CCDC33: variants seen among roughly 807,000 people sequenced by gnomAD.
CCDC33 encodes coiled-coil domain containing 33.
CCDC33 carries 94 observed loss-of-function variants against 91.9 expected under a neutral mutation model. That is an observed-to-expected ratio of 1.02 (90% CI 0.87 to 1.21). The LOEUF is 1.21. Ranked by LOEUF, CCDC33 falls within the 50% of genes most tolerant of loss-of-function variation. The pLI is 0.00. For missense variants in CCDC33, 940 were observed against 935.5 expected, an observed-to-expected ratio of 1.00 and a Z score of -0.06; for synonymous variants, 396 against 374.5, an observed-to-expected ratio of 1.06 and a Z score of -0.66.
intron 18 of CCDC33, 79 bp from the exon 19 acceptor site, chr15:74,335,845 GT>G: frequency 9.1e-7 from 1 of 1,093,086 alleles, no homozygotes. Flanking sequence ...CTGAGGCCTG[GT>G]TTGTCAGGCA....
intron 10 of CCDC33, among the ~76,000 whole-genome samples, chr15:74,286,817 G>A (rs1446141611): frequency 5.3e-5 from 8 of 152,094 alleles, no homozygotes; most frequent in African/African-American, 7.2e-5. Context: ...GTATAGAGAG[G>A]GTGCATTTGA....
rs1238903756 is a variant in CCDC33, at chr15:74,271,691, T to G, written c.547-12T>G. The stretch of plus-strand genomic sequence containing the variant: ...CATGGTGTTCACCTGCCTCCTCTCC[T>G]CTCCTCTCCAGATCTTTCTCCGGGG... On this transcript the variant is annotated splice_polypyrimidine_tract_variant and intron_variant, in intron 5 of 18. Coordinates refer to ENST00000398814, the MANE Select transcript of CCDC33 (RefSeq NM_025055.5). 18 of 1,609,274 alleles carry G rather than the reference T, an allele frequency of 1.1e-5. No individual in the cohort carries two copies. The highest frequency in any genetic ancestry group is 1.4e-5 in the Non-Finnish European group (17 of 1,175,866).
Position 74,335,981 on chromosome 15 carries a change from G to T in CCDC33, c.2196G>T (p.Leu732=), listed in dbSNP as rs762827488. Residue 732 remains leucine (L), a synonymous_variant, in exon 19 of 19, where the codon CTG becomes CTT. Transcript: ENST00000398814. The part of the protein sequence containing the change: ...LKQPSELEPL[L]PSSDSKLNKP... ...AGCCCTCAGAGCTGGAGCCCCTGCT[G>T]CCCAGCTCAGACTCTAAGCTCAACA... 1 of 1,613,966 alleles carries T rather than the reference G, an allele frequency of 6.2e-7. No homozygotes were observed. The highest frequency in any genetic ancestry group is 8.5e-7 in the Non-Finnish European group (1 of 1,180,004).
chr15:74,238,652 TA>T (rs569348450), intron 1 of CCDC33, among the ~76,000 whole-genome samples: 244 of 152,308 alleles, frequency 1.6e-3, no homozygotes, highest in African/African-American at 5.8e-3. Context: ...TTTTAAAATG[TA>T]ATCAAACCTA....
chr15:74,297,173 C>T (rs973753977), intron 11 of CCDC33, among the ~76,000 whole-genome samples: 2 of 152,254 alleles, frequency 1.3e-5, no homozygotes, highest in African/African-American at 4.8e-5. Context: ...CCATCCTGCT[C>T]AGGCACCACA....
chr15:74,313,226 C>T (rs1005998295), intron 11 of CCDC33, among the ~76,000 whole-genome samples: 24 of 152,060 alleles, frequency 1.6e-4, no homozygotes, highest in African/African-American at 5.8e-4. Flanking sequence ...TCCAGGATGC[C>T]AGGGCAGGTG....
chr15:74,277,692 A>G (rs948800527), intron 7 of CCDC33, among the ~76,000 whole-genome samples: 1 of 152,174 alleles, frequency 6.6e-6, no homozygotes, highest in Non-Finnish European at 1.5e-5. Flanking sequence ...CATGCACAAG[A>G]CAGGCTGACC....
At chr15:74,217,324 G>A in exon 1 of CCDC33, 4 of 1,289,528 alleles carry the variant, frequency 3.1e-6, no homozygotes, top group Non-Finnish European at 4.0e-6. Context: ...CTGAGACAGA[G>A]GCTGAAGGCC....
intron 11 of CCDC33, among the ~76,000 whole-genome samples, chr15:74,327,775 C>T (rs2060339329): frequency 6.6e-6 from 1 of 152,174 alleles, no homozygotes; most frequent in Non-Finnish European, 1.5e-5. Flanking sequence ...GAACTGGCAG[C>T]CCCCTCCCCC....
At chr15:74,334,082 G>T (rs991396147) in intron 17 of CCDC33, 115 bp downstream of exon 17, 15 of 917,896 alleles carry the variant, frequency 1.6e-5, no homozygotes, top group African/African-American at 3.3e-5. Flanking sequence ...TCAAGGCTTA[G>T]TGTGTGGCCA....
chr15:74,217,086 G>T (rs188727266), upstream of CCDC33: 1 of 288,398 alleles, frequency 3.5e-6, no homozygotes, highest in Non-Finnish European at 6.7e-6. Flanking sequence ...GGAAGGGATC[G>T]ATGGAAAAAA....
rs1251270120 is a variant in CCDC33, at chr15:74,226,596, A to G, written c.675+7735A>G. Among the ~76,000 whole-genome samples the G allele has an allele frequency of 4.6e-5, 7 of 152,248 alleles. No homozygotes were observed. In the South Asian group the frequency reaches 1.5e-3, roughly 32 times the overall value. ...GTAATCCCAGCACTTTGGGAGGTCA[A>G]GGCAGGCAGATCACAAGGTCAAGAG... On this transcript the variant is annotated intron_variant, in intron 2 of 2. Transcript: ENST00000635913.
intron 2 of CCDC33, among the ~76,000 whole-genome samples, chr15:74,225,627 T>C (rs1404193257): frequency 6.6e-6 from 1 of 151,968 alleles, no homozygotes; most frequent in Non-Finnish European, 1.5e-5. Flanking sequence ...CGCACCTCCC[T>C]GGATCTCCTG....
intron 2 of CCDC33, among the ~76,000 whole-genome samples, chr15:74,222,965 G>A (rs16966903): frequency 2.0e-5 from 3 of 151,406 alleles, no homozygotes; most frequent in Admixed American, 2.0e-4. Flanking sequence ...TATTGCTCGC[G>A]ATTGCATACA....
intron 1 of CCDC33, among the ~76,000 whole-genome samples, chr15:74,217,792 T>C (rs902409163): frequency 6.6e-6 from 1 of 152,078 alleles, no homozygotes; most frequent in African/African-American, 2.4e-5. Flanking sequence ...CACTGGTGCC[T>C]GTCACGCAAG....
intron 10 of CCDC33, among the ~76,000 whole-genome samples, chr15:74,287,828 G>A (rs1407710065): frequency 2.0e-5 from 3 of 152,062 alleles, no homozygotes; most frequent in South Asian, 2.1e-4. Flanking sequence ...CTTAGGATGG[G>A]GCAGGAGAGA....
intron 2 of CCDC33, among the ~76,000 whole-genome samples, chr15:74,225,117 C>CGCGT (rs1555461012): frequency 7.2e-6 from 1 of 139,832 alleles, no homozygotes; most frequent in Admixed American, 7.1e-5. Context: ...CTCCTGGAGG[C>CGCGT]GTGTGTGTGT....
intron 2 of CCDC33, among the ~76,000 whole-genome samples, chr15:74,222,898 C>T (rs555029556): frequency 6.6e-6 from 1 of 151,556 alleles, no homozygotes; most frequent in Admixed American, 6.6e-5. Context: ...AAGGCCCAAG[C>T]ACTCCGTCCT....
At position 74,336,005 on chromosome 15, in the gene CCDC33, C is replaced by A. The variant is rs1457886042; in HGVS notation, c.2220C>A (p.Asn740Lys). The change falls in exon 19 of 19, where the codon AAC becomes AAA. Residue 740 changes from asparagine (N) to lysine (K), a missense_variant. Coordinates refer to ENST00000398814, the MANE Select transcript of CCDC33 (RefSeq NM_025055.5). The stretch of plus-strand genomic sequence containing the variant: ...TGCCCAGCTCAGACTCTAAGCTCAA[C>A]AAGCCCTTGAGCCCCCAGAAGGAGA... ...PLLPSSDSKL[N>K]KPLSPQKETA... 1 of 1,613,934 alleles carries A rather than the reference C, an allele frequency of 6.2e-7. No individual in the cohort carries two copies. Among genetic ancestry groups the A allele is most frequent in the Non-Finnish European group, 8.5e-7 (1 of 1,180,018 alleles).
Sources: allele counts gnomAD v4.1 joint callset (sites outside exome capture counted in the v4.1 genomes callset), GRCh38; gene constraint gnomAD v4.1.1; transcripts MANE v1.5; gene names NCBI Gene and HGNC (gene_info 2026-07-23, HGNC 2026-07-21).